TMEM244: variants seen among roughly 807,000 people sequenced by gnomAD.
The protein encoded by TMEM244 is transmembrane protein 244, also known as putative transmembrane protein 244.
In TMEM244, 13 loss-of-function variants were observed where a neutral mutation model predicts 15.8. The ratio of observed to expected loss-of-function variants is 0.82; its 90% CI spans 0.53 to 1.30. The LOEUF (loss-of-function observed/expected upper bound fraction) is 1.30, where lower values mean the gene tolerates loss of function less well. Ranked by LOEUF, TMEM244 falls within the 50% of genes most tolerant of loss-of-function variation. The probability of loss-of-function intolerance (pLI) is 0.00; values close to 1 mark genes in which losing one functional copy is unlikely to be tolerated. For missense variants in TMEM244, 161 were observed against 144.9 expected, an observed-to-expected ratio of 1.11 and a Z score of -0.57; for synonymous variants, 45 against 48.7, an observed-to-expected ratio of 0.92 and a Z score of 0.32.
chr6:129,834,421 T>A (rs1776373910), intron 3 of TMEM244, among the ~76,000 whole-genome samples: 1 of 152,188 alleles, frequency 6.6e-6, no homozygotes, highest in Non-Finnish European at 1.5e-5. Flanking sequence ...TACCTTTCTT[T>A]CCTCTTAAAA....
chr6:129,842,613 G>T (rs1002219718), intron 3 of TMEM244, among the ~76,000 whole-genome samples: 3 of 151,576 alleles, frequency 2.0e-5, no homozygotes, highest in African/African-American at 7.3e-5. Flanking sequence ...ATTGTTTAAG[G>T]AATTGACAGT....
intron 2 of TMEM244, 57 bp from the exon 3 acceptor site, chr6:129,843,660 C>A: frequency 8.1e-7 from 1 of 1,237,418 alleles, no homozygotes; most frequent in Non-Finnish European, 1.2e-6. Flanking sequence ...CATAACAGCA[C>A]ATCAAAGTGA....
chr6:129,831,429 T>C (rs755212714), intron 4 of TMEM244, 43 bp from the exon 5 acceptor site: 1 of 1,346,168 alleles, frequency 7.4e-7, no homozygotes, highest in East Asian at 2.3e-5. Flanking sequence ...CATGCGTTTT[T>C]ATATTTTGCT....
rs771573854 is a variant in TMEM244, at chr6:129,844,333, C to T, written c.120-730G>A. Among the ~76,000 whole-genome samples the T allele has an allele frequency of 6.6e-5, 10 of 152,092 alleles. 1 individual carries two copies. The East Asian group carries it at 9.6e-4, about 15-fold the overall frequency. On this transcript the variant is annotated intron_variant, in intron 2 of 4. Transcript: ENST00000368143. ...AATCTTGATAGTTCCTGCCATCAAA[C>T]GTAGAAGGAGAACGTAATACCATGG... is the stretch of plus-strand genomic sequence containing the variant.
intron 1 of TMEM244, among the ~76,000 whole-genome samples, chr6:129,853,982 C>T (rs1189387082): frequency 6.6e-6 from 1 of 152,218 alleles, no homozygotes; most frequent in South Asian, 2.1e-4. Flanking sequence ...CACCTCTCTT[C>T]ATTCAGCTCT....
At chr6:129,851,376 C>T (rs1776635817) in intron 1 of TMEM244, among the ~76,000 whole-genome samples, 1 of 152,190 alleles carries the variant, frequency 6.6e-6, no homozygotes, top group Admixed American at 6.5e-5. Flanking sequence ...TCAAGCAATT[C>T]TCCTGCCTCA....
At chr6:129,835,123 C>T (rs943669515) in intron 3 of TMEM244, among the ~76,000 whole-genome samples, 1 of 152,182 alleles carries the variant, frequency 6.6e-6, no homozygotes, top group African/African-American at 2.4e-5. Flanking sequence ...TGTCTGGGCA[C>T]TGTGGTTCAC....
At chr6:129,833,973 T>A (rs1776365977) in intron 3 of TMEM244, among the ~76,000 whole-genome samples, 1 of 152,078 alleles carries the variant, frequency 6.6e-6, no homozygotes, top group Non-Finnish European at 1.5e-5. Flanking sequence ...TGAAAAAAAA[T>A]TAAACCAAAT....
rs558937430 is a variant in TMEM244 at position 129,844,833 on chromosome 6, A to G, written c.119+934T>C. On this transcript the variant is annotated intron_variant, in intron 2 of 4. Coordinates refer to ENST00000368143, the MANE Select transcript of TMEM244 (RefSeq NM_001010876.2). ...GAATAACATTCTTTCCATTGCAAAC[A>G]TTGGTATCATTATTTTTTGATAGTT... is the stretch of plus-strand genomic sequence containing the variant. Among the ~76,000 whole-genome samples, 7 of 152,286 alleles carry G rather than the reference A, an allele frequency of 4.6e-5. No individual in the cohort carries two copies. The East Asian group carries it at 1.2e-3, about 25-fold the overall frequency.
chr6:129,844,114 AC>A (rs1776530568), intron 2 of TMEM244, among the ~76,000 whole-genome samples: 1 of 152,166 alleles, frequency 6.6e-6, no homozygotes, highest in South Asian at 2.1e-4. Context: ...ACAAAATGAC[AC>A]CTATTATATG....
intron 4 of TMEM244, 143 bp downstream of exon 4, chr6:129,833,317 G>A (rs1776357107): frequency 1.0e-6 from 1 of 952,606 alleles, no homozygotes; most frequent in Non-Finnish European, 1.4e-6. Context: ...TGGAAAGAGG[G>A]ATGAAGACCT....
intron 1 of TMEM244, among the ~76,000 whole-genome samples, chr6:129,859,339 C>A (rs1233519131): frequency 1.3e-5 from 2 of 152,228 alleles, no homozygotes; most frequent in Admixed American, 6.5e-5. Flanking sequence ...GGAAAGACTG[C>A]ATTGTAGTTC....
intron 3 of TMEM244, among the ~76,000 whole-genome samples, chr6:129,837,886 T>C (rs1447562595): frequency 3.9e-5 from 6 of 152,204 alleles, no homozygotes; most frequent in South Asian, 4.1e-4. Context: ...CCTAAATATA[T>C]ATGCACACAA....
In TMEM244 at chr6:129,842,913, CAAAAATGCCA is replaced by C. The variant is rs540508859; in HGVS notation, c.193+607_193+616del. ...TAGATATTAATTAATAACTATTCAA[CAAAAATGCCA>C]AATTTAAAAGAGAGAAATTTTGCCT... On this transcript the variant is annotated intron_variant, in intron 3 of 4. Coordinates refer to ENST00000368143, the MANE Select transcript of TMEM244 (RefSeq NM_001010876.2). Among the ~76,000 whole-genome samples, 335 of 149,912 alleles carry C rather than the reference CAAAAATGCCA, an allele frequency of 2.2e-3. 1 individual carries two copies. The highest frequency in any genetic ancestry group is 2.5e-3 in the Non-Finnish European group (167 of 67,346).
intron 1 of TMEM244, among the ~76,000 whole-genome samples, chr6:129,854,737 TTACC>T (rs1473150909): frequency 6.6e-6 from 1 of 152,198 alleles, no homozygotes; most frequent in Non-Finnish European, 1.5e-5. Context: ...GGTCCCTGAC[TTACC>T]ATGGTTCAAT....
chr6:129,840,125 A>T (rs1414113500), intron 3 of TMEM244, among the ~76,000 whole-genome samples: 2 of 152,236 alleles, frequency 1.3e-5, no homozygotes, highest in Non-Finnish European at 2.9e-5. Flanking sequence ...TAGCCAAGAC[A>T]ATCCTAAGCA....
intron 2 of TMEM244, among the ~76,000 whole-genome samples, chr6:129,845,115 C>A (rs765150773): frequency 1.3e-5 from 2 of 152,154 alleles, no homozygotes; most frequent in Non-Finnish European, 2.9e-5. Context: ...ATTTTGTCCT[C>A]ATAATAACTC....
chr6:129,850,675 A>G (rs960441946), intron 1 of TMEM244, among the ~76,000 whole-genome samples: 1 of 152,246 alleles, frequency 6.6e-6, no homozygotes, highest in Middle Eastern at 3.2e-3. Context: ...ATTTTGAAAG[A>G]GTAAAATTAA....
intron 3 of TMEM244, among the ~76,000 whole-genome samples, chr6:129,842,230 C>T (rs552681752): frequency 3.3e-5 from 5 of 152,238 alleles, no homozygotes; most frequent in Admixed American, 3.3e-4. Context: ...TCAATCTCTC[C>T]CTCTACCCAA....
Sources: allele counts gnomAD v4.1 joint callset (sites outside exome capture counted in the v4.1 genomes callset), GRCh38; gene constraint gnomAD v4.1.1; transcripts MANE v1.5; gene names NCBI Gene and HGNC (gene_info 2026-07-23, HGNC 2026-07-21).